CNTLN: variants seen among roughly 807,000 people sequenced by gnomAD.
The protein encoded by CNTLN is centlein, centrosomal protein.
In CNTLN, 212 loss-of-function variants were observed where a neutral mutation model predicts 180.0. The observed-to-expected ratio is 1.18, with a 90% CI of 1.05 to 1.32. The LOEUF is 1.32. CNTLN is among the 40% of genes most tolerant of loss of function. The pLI is 0.00. For synonymous variants in CNTLN, 722 were observed against 563.1 expected, an observed-to-expected ratio of 1.28 and a Z score of -3.99; for missense variants, 2,095 against 1,610.9, an observed-to-expected ratio of 1.30 and a Z score of -5.14.
chr9:17,284,585 T>C (rs1312174731), intron 6 of CNTLN, among the ~76,000 whole-genome samples: 3 of 152,198 alleles, frequency 2.0e-5, no homozygotes, highest in Non-Finnish European at 4.4e-5. Flanking sequence ...TGTTTGTATT[T>C]CTGTGGGGTC....
At chr9:17,459,515 T>C (rs1378315582) in intron 19 of CNTLN, among the ~76,000 whole-genome samples, 1 of 151,914 alleles carries the variant, frequency 6.6e-6, no homozygotes, top group Non-Finnish European at 1.5e-5. Flanking sequence ...GAAGACCAAG[T>C]ACCTTTAAGT....
At chr9:17,283,410 G>A (rs1273156213) in intron 6 of CNTLN, among the ~76,000 whole-genome samples, 1 of 152,020 alleles carries the variant, frequency 6.6e-6, no homozygotes, top group Admixed American at 6.6e-5. Context: ...TCTATTGTTA[G>A]TGTATGGGAA....
intron 15 of CNTLN, among the ~76,000 whole-genome samples, chr9:17,395,663 C>G (rs1826459842): frequency 1.3e-5 from 2 of 152,094 alleles, no homozygotes; most frequent in Non-Finnish European, 2.9e-5. Context: ...AAAATTAGTT[C>G]TTTAAAGTTA....
At chr9:17,433,872 T>C (rs571524398) in intron 18 of CNTLN, among the ~76,000 whole-genome samples, 4 of 152,330 alleles carry the variant, frequency 2.6e-5, no homozygotes, top group African/African-American at 9.6e-5. Context: ...TGAACTACCA[T>C]GCCCAGCCTG....
At chr9:17,280,655 C>G (rs1031396452) in intron 6 of CNTLN, among the ~76,000 whole-genome samples, 1 of 152,150 alleles carries the variant, frequency 6.6e-6, no homozygotes, top group Non-Finnish European at 1.5e-5. Context: ...GTGAAGACAT[C>G]AGGTCACTGA....
chr9:17,367,139 A>G (rs960706008), intron 13 of CNTLN, among the ~76,000 whole-genome samples: 2 of 152,200 alleles, frequency 1.3e-5, no homozygotes, highest in African/African-American at 4.8e-5. Flanking sequence ...CCCTTCCCCT[A>G]TCTCCTGGCA....
At chr9:17,403,505 T>A (rs761714198) in intron 15 of CNTLN, among the ~76,000 whole-genome samples, 1 of 150,398 alleles carries the variant, frequency 6.6e-6, no homozygotes, top group East Asian at 2.0e-4. Flanking sequence ...TAGTGTCAGG[T>A]TGATTACAGT....
At chr9:17,193,959 A>G (rs1023836901) in intron 2 of CNTLN, among the ~76,000 whole-genome samples, 3 of 152,352 alleles carry the variant, frequency 2.0e-5, no homozygotes, top group East Asian at 3.9e-4. Context: ...ACCACATGGA[A>G]GCTGCCAAGG....
chr9:17,318,194 A>AT (rs1032069122), intron 8 of CNTLN, among the ~76,000 whole-genome samples: 52 of 151,020 alleles, frequency 3.4e-4, no homozygotes, highest in Middle Eastern at 6.8e-3. Context: ...CGCCCGGCTA[A>AT]TTTTTTTTGT....
chr9:17,246,823 C>T (rs539121191), intron 5 of CNTLN, among the ~76,000 whole-genome samples: 11 of 152,156 alleles, frequency 7.2e-5, no homozygotes, highest in Non-Finnish European at 1.3e-4. Flanking sequence ...CGTCCATCAC[C>T]CAAGGGCTCT....
rs1054427075 is a variant in CNTLN at position 17,256,833 on chromosome 9, T to A, written c.850-16900T>A. On this transcript the variant is annotated intron_variant, in intron 5 of 25. Coordinates refer to ENST00000380647, the MANE Select transcript of CNTLN (RefSeq NM_017738.4). The stretch of plus-strand genomic sequence containing the variant: ...TCGATATTTGACTGTTTCTCTCTCT[T>A]GATTTTTTGGAAGGTCAAATAATTT... Among the ~76,000 whole-genome samples the A allele has an allele frequency of 2.6e-5, 4 of 152,050 alleles. No homozygotes were observed. The South Asian group carries it at 8.3e-4, about 31-fold the overall frequency.
chr9:17,297,717 T>C (rs1314462076), intron 6 of CNTLN, among the ~76,000 whole-genome samples: 3 of 152,228 alleles, frequency 2.0e-5, no homozygotes, highest in Admixed American at 6.5e-5. Context: ...CAAACTAGAA[T>C]TGGCAGTTGT....
intron 14 of CNTLN, among the ~76,000 whole-genome samples, chr9:17,393,890 A>G (rs532648699): frequency 3.9e-5 from 6 of 152,276 alleles, no homozygotes; most frequent in African/African-American, 1.4e-4. Context: ...AGATTAACAA[A>G]TGTGTGTTGC....
intron 2 of CNTLN, among the ~76,000 whole-genome samples, chr9:17,183,777 A>G (rs570693618): frequency 2.0e-5 from 3 of 152,226 alleles, no homozygotes; most frequent in Admixed American, 2.0e-4. Context: ...CATGAAATAC[A>G]CTTCTGCATC....
intron 23 of CNTLN, among the ~76,000 whole-genome samples, chr9:17,475,264 C>T (rs950065996): frequency 8.6e-5 from 13 of 151,836 alleles, no homozygotes; most frequent in African/African-American, 2.9e-4. Context: ...TTGACCTTAA[C>T]GATTGCAGTA....
downstream of CNTLN, among the ~76,000 whole-genome samples, chr9:17,507,025 G>A (rs994274544): frequency 2.6e-5 from 4 of 152,050 alleles, no homozygotes; most frequent in African/African-American, 7.2e-5. Flanking sequence ...CAGTGGGTAC[G>A]TGTGTAGGTT....
chr9:17,146,299 A>G (rs913213422), intron 2 of CNTLN, among the ~76,000 whole-genome samples: 4 of 151,420 alleles, frequency 2.6e-5, no homozygotes, highest in Admixed American at 6.6e-5. Context: ...CTCTTATCTC[A>G]TGTTTTCCAT....
At chr9:17,356,021 G>A (rs1014074730) in intron 12 of CNTLN, among the ~76,000 whole-genome samples, 9 of 142,548 alleles carry the variant, frequency 6.3e-5, no homozygotes, top group African/African-American at 1.8e-4. Flanking sequence ...CCGAGATCAC[G>A]CCACTGCACT....
At chr9:17,350,081 C>T (rs962048373) in intron 12 of CNTLN, among the ~76,000 whole-genome samples, 11 of 152,192 alleles carry the variant, frequency 7.2e-5, no homozygotes, top group Non-Finnish European at 1.2e-4. Flanking sequence ...CACAGTCCAA[C>T]ATATGTTAAC....
Sources: gnomAD v4.1 joint callset for allele counts (sites outside exome capture counted in the v4.1 genomes callset) on GRCh38, gnomAD v4.1.1 for gene constraint, MANE v1.5 for transcripts, NCBI Gene and HGNC (gene_info 2026-07-23, HGNC 2026-07-21) for gene names.